Variants in SHMT1 observed in about 807,000 individuals in gnomAD.
SHMT1 encodes serine hydroxymethyltransferase 1.
SHMT1 carries 45 observed loss-of-function variants against 49.0 expected under a neutral mutation model. The ratio of observed to expected loss-of-function variants is 0.92; its 90% confidence interval spans 0.72 to 1.18. The LOEUF (loss-of-function observed/expected upper bound fraction) is 1.18. Ranked by LOEUF, SHMT1 falls within the 50% of genes most tolerant of loss-of-function variation. The pLI, the probability that SHMT1 is intolerant of heterozygous loss-of-function variation, is 0.00. For missense variants in SHMT1, 541 were observed against 612.4 expected (o/e 0.88, Z 1.23); for synonymous variants, 232 against 246.6 (o/e 0.94, Z 0.55).
At chr17:18,328,997 T>C (rs1286137451) in intron 11 of SHMT1, 78 bp from the exon 12 acceptor site, 14 of 1,561,696 alleles carry the variant, frequency 9.0e-6, no homozygotes, top group Non-Finnish European at 1.1e-5. Context: ...GAGGCACAAA[T>C]GTCAGAATGT....
rs374767853 is a variant in SHMT1, at chr17:18,355,988, G to T, written c.-7C>A. ...CGTTGACTGGCATCGTCATTGCACT[G>T]GTTCGAAGCTGCCTAAAAAAATGGG... On this transcript the variant is annotated 5_prime_UTR_variant, in exon 2 of 12. Coordinates refer to ENST00000316694, the MANE Select transcript of SHMT1 (RefSeq NM_004169.5). The T allele has an allele frequency of 3.5e-4, 566 of 1,596,872 alleles. No homozygotes were observed. Among genetic ancestry groups the T allele is most frequent in the Non-Finnish European group, 4.7e-4 (542 of 1,164,930 alleles).
chr17:18,347,892 G>C (rs1598047818), intron 4 of SHMT1, among the ~76,000 whole-genome samples: 1 of 151,346 alleles, frequency 6.6e-6, no homozygotes, highest in East Asian at 1.9e-4. Flanking sequence ...AGGGATGCGT[G>C]ACTTATCTTT....
intron 7 of SHMT1, among the ~76,000 whole-genome samples, chr17:18,339,049 T>TAAAAAAAAAAAA (rs34704448): frequency 3.0e-4 from 8 of 26,852 alleles, no homozygotes; most frequent in African/African-American, 8.9e-4. Context: ...CAATAAATAC[T>TAAAAAAAAAAAA]AAAAAAAAAA....
rs1195751895 is a variant in SHMT1 at position 18,330,761 on chromosome 17, A to G, written c.1055-90T>C. 15 of 909,208 alleles carry G rather than the reference A, an allele frequency of 1.6e-5. No homozygotes were observed. In the East Asian group the frequency reaches 2.5e-4, roughly 15 times the overall value. 56.3% of individuals were successfully genotyped at this position (909,208 alleles called of 1,614,324 possible). The stretch of plus-strand genomic sequence containing the variant: ...AACGAAGGCGAGGATGAAGGCAGTC[A>G]AAGCAGATGAGGTCAGGAAGGTGAG... On this transcript the variant is annotated intron_variant, in intron 9 of 11. Coordinates refer to ENST00000316694, the MANE Select transcript of SHMT1 (RefSeq NM_004169.5).
At chr17:18,352,591 C>A (rs1286640493) in intron 3 of SHMT1, among the ~76,000 whole-genome samples, 3 of 152,024 alleles carry the variant, frequency 2.0e-5, no homozygotes, top group Non-Finnish European at 4.4e-5. Flanking sequence ...GAGGCCAAGG[C>A]AGGTGGATTG....
At position 18,330,602 on chromosome 17, in the gene SHMT1, T is replaced by A; in HGVS notation, c.1124A>T (p.Lys375Met). 1 of 1,614,168 alleles carries A rather than the reference T, an allele frequency of 6.2e-7. No individual in the cohort carries two copies. The highest frequency in any genetic ancestry group is 8.5e-7 in the Non-Finnish European group (1 of 1,179,988). ...GGCAATAGAACAGGCTTCTAGCACCTTCTCAGCCCTTCCACCATCTGTGCC... is the reference window on the plus strand; with the variant it reads ...GGCAATAGAACAGGCTTCTAGCACCATCTCAGCCCTTCCACCATCTGTGCC... ...SKGTDGGRAE[K>M]VLEACSIACN... is the part of the protein sequence containing the mutation. Residue 375 changes from lysine to methionine, a missense_variant, in exon 10 of 12, where the codon AAG (lysine) becomes ATG (methionine). Lys to Met is a moderately conservative substitution (Grantham distance 95). Coordinates refer to ENST00000316694, the MANE Select transcript of SHMT1 (RefSeq NM_004169.5).
rs753794929 is a variant in SHMT1 at position 18,348,350 on chromosome 17, C to T, written c.333G>A (p.Trp111Ter). The part of the protein sequence containing the change: ...LQAYKLDPQC[W>*]GVNVQPYSGS... Reference sequence around the variant, plus strand: ...CTGAGTAGGGCTGGACGTTGACCCCCCAGCACTGTGGGTCCAGCTTATAGG... The same window carrying T: ...CTGAGTAGGGCTGGACGTTGACCCCTCAGCACTGTGGGTCCAGCTTATAGG... The change falls in exon 4 of 12, where the codon TGG becomes TGA. Residue 111 changes from tryptophan (W) to a stop codon, truncating the protein, a stop_gained. Transcript: ENST00000316694. LOFTEE classifies it high-confidence loss of function. 9.3e-6 allele frequency: 15 copies of T among 1,613,380 alleles called. No homozygotes were observed. In the African/African-American group the frequency reaches 2.0e-4, roughly 22 times the overall value.
intron 3 of SHMT1, 123 bp from the exon 4 acceptor site, chr17:18,348,563 T>C (rs377005686): frequency 1.3e-6 from 1 of 779,028 alleles, no homozygotes; most frequent in East Asian, 2.5e-5. Context: ...TGAGAAGAGC[T>C]TGTTAACATG....
chr17:18,330,848 G>A (rs1983133791), intron 9 of SHMT1, 177 bp from the exon 10 acceptor site: 1 of 665,488 alleles, frequency 1.5e-6, no homozygotes, highest in African/African-American at 1.8e-5. Flanking sequence ...CTAAGAATGT[G>A]AAAGGAAGGA....
intron 3 of SHMT1, 36 bp from the exon 4 acceptor site, chr17:18,348,476 G>A: frequency 6.8e-7 from 1 of 1,471,876 alleles, no homozygotes; most frequent in South Asian, 1.1e-5. Flanking sequence ...GATCCACTCA[G>A]ACCCAGAAAG....
In SHMT1 at chr17:18,333,391, A is replaced by G. The variant is rs190983809; in HGVS notation, c.932-103T>C. The G allele has an allele frequency of 2.5e-4, 285 of 1,134,418 alleles. 1 individual carries two copies. Among genetic ancestry groups the G allele is most frequent in the South Asian group, 7.6e-4 (56 of 73,848 alleles). 70.3% of individuals were successfully genotyped at this position (1,134,418 alleles called of 1,614,324 possible). A position where few individuals can be genotyped will look rare whatever the true frequency, so the allele number is the denominator to read the frequency against. On this transcript the variant is annotated intron_variant, in intron 8 of 11. Transcript: ENST00000316694. Reference sequence around the variant, plus strand: ...TTTACTCAAGCTTCCTTGCTTTTCAATGTCACCCCTTGCTTTTGCGTTGGA... The same window carrying G: ...TTTACTCAAGCTTCCTTGCTTTTCAGTGTCACCCCTTGCTTTTGCGTTGGA...
intron 5 of SHMT1, among the ~76,000 whole-genome samples, chr17:18,347,143 C>A (rs776147944): frequency 2.0e-5 from 3 of 152,218 alleles, no homozygotes; most frequent in Non-Finnish European, 4.4e-5. Context: ...CAGGCGAGGG[C>A]AGAGCTGCAG....
At chr17:18,331,415 A>T (rs1983193027) in intron 9 of SHMT1, 1 of 156,788 alleles carries the variant, frequency 6.4e-6, no homozygotes, top group Non-Finnish European at 1.4e-5. Flanking sequence ...GTGAAACCTC[A>T]GATGCCCATT....
rs746954262 is a variant in SHMT1, at chr17:18,330,548, T to C, written c.1171+7A>G. Reference sequence around the variant, plus strand: ...GGAGTGAAGGAGAAGGCAAGGATGATTCTCACCTGGACAGGTGTTCTTGTT... The same window carrying C: ...GGAGTGAAGGAGAAGGCAAGGATGACTCTCACCTGGACAGGTGTTCTTGTT... On this transcript the variant is annotated splice_region_variant and intron_variant, in intron 10 of 11. Coordinates refer to ENST00000316694, the MANE Select transcript of SHMT1 (RefSeq NM_004169.5). 4 of 1,586,230 alleles carry C rather than the reference T, an allele frequency of 2.5e-6. No individual in the cohort carries two copies. The highest frequency in any genetic ancestry group is 1.7e-4 in the Middle Eastern group (1 of 6,024).
intron 2 of SHMT1, among the ~76,000 whole-genome samples, chr17:18,355,084 A>C (rs890103936): frequency 1.3e-5 from 1 of 79,332 alleles, no homozygotes; most frequent in Non-Finnish European, 2.4e-5. Context: ...AAAAAAAAAA[A>C]AAAGGCCGGG....
At chr17:18,349,616 G>A (rs1985466799) in intron 3 of SHMT1, among the ~76,000 whole-genome samples, 1 of 152,122 alleles carries the variant, frequency 6.6e-6, no homozygotes, top group Non-Finnish European at 1.5e-5. Context: ...TTACTTGGAA[G>A]GCTGAGGTGG....
intron 7 of SHMT1, among the ~76,000 whole-genome samples, chr17:18,338,082 G>C (rs1984030417): frequency 6.6e-6 from 1 of 151,168 alleles, no homozygotes; most frequent in Non-Finnish European, 1.5e-5. Context: ...AGTCTGGGAA[G>C]TGAGGAGCGC....
chr17:18,343,694 CA>C (rs1984778036), intron 5 of SHMT1, among the ~76,000 whole-genome samples: 1 of 148,060 alleles, frequency 6.8e-6, no homozygotes, highest in Non-Finnish European at 1.5e-5. Flanking sequence ...CTGAGTTGGA[CA>C]GATCACTTGA....
chr17:18,329,636 G>T (rs1325131340), intron 10 of SHMT1, among the ~76,000 whole-genome samples: 1 of 152,182 alleles, frequency 6.6e-6, no homozygotes, highest in Non-Finnish European at 1.5e-5. Flanking sequence ...CTAAAAATGA[G>T]GGTAACATCT....
Sources: allele counts gnomAD v4.1 joint callset (sites outside exome capture counted in the v4.1 genomes callset), GRCh38; gene constraint gnomAD v4.1.1; transcripts MANE v1.5; gene names NCBI Gene and HGNC (gene_info 2026-07-23, HGNC 2026-07-21).